The following CTNNA3 variants were observed in gnomAD, a reference collection of about 807,000 sequenced individuals.
The protein encoded by CTNNA3 is catenin alpha 3.
Under a neutral mutation model 95.7 loss-of-function variants are expected in CTNNA3, and 76 were observed. The observed-to-expected ratio is 0.79, with a 90% CI of 0.66 to 0.96. CTNNA3 has a LOEUF of 0.96. Ranked by LOEUF, CTNNA3 falls within the 40% of genes least tolerant of loss-of-function variation. The pLI is 0.00. For missense variants in CTNNA3, 1,191 were observed against 1,089.8 expected, an observed-to-expected ratio of 1.09 and a Z score of -1.31; for synonymous variants, 431 against 374.4, an observed-to-expected ratio of 1.15 and a Z score of -1.74.
chr10:67,625,693 A>G (rs1838926730), intron 2 of CTNNA3, among the ~76,000 whole-genome samples: 1 of 152,200 alleles, frequency 6.6e-6, no homozygotes, highest in Admixed American at 6.5e-5. Flanking sequence ...ATAATATTCA[A>G]AGGAAACTTA....
chr10:67,758,014 T>C (rs979209768), intron 1 of CTNNA3, among the ~76,000 whole-genome samples: 1 of 152,088 alleles, frequency 6.6e-6, no homozygotes, highest in African/African-American at 2.4e-5. Flanking sequence ...CCCTCACCAA[T>C]GCAGGCAGGA....
intron 1 of CTNNA3, among the ~76,000 whole-genome samples, chr10:67,661,381 C>T (rs1840185481): frequency 6.6e-6 from 1 of 151,818 alleles, no homozygotes; most frequent in Admixed American, 6.6e-5. Flanking sequence ...GGAATGTTGG[C>T]CCTTTCTTCA....
intron 11 of CTNNA3, among the ~76,000 whole-genome samples, chr10:66,429,133 C>T (rs1202019956): frequency 6.6e-6 from 1 of 151,994 alleles, no homozygotes; most frequent in South Asian, 2.1e-4. Context: ...CACCTCTACA[C>T]AAATAAACTA....
At chr10:67,111,744 G>T (rs145105208) in intron 7 of CTNNA3, among the ~76,000 whole-genome samples, 6 of 151,844 alleles carry the variant, frequency 4.0e-5, no homozygotes, top group Non-Finnish European at 2.9e-5. Flanking sequence ...CCAGAGTCAT[G>T]GTATCAACAG....
intron 12 of CTNNA3, among the ~76,000 whole-genome samples, chr10:66,342,753 A>G (rs2092466518): frequency 1.3e-5 from 2 of 152,094 alleles, no homozygotes. Context: ...ATGTTGTAAT[A>G]TAAGCCACAT....
At chr10:67,218,933 T>G (rs1317337710) in intron 6 of CTNNA3, among the ~76,000 whole-genome samples, 1 of 152,196 alleles carries the variant, frequency 6.6e-6, no homozygotes, top group Non-Finnish European at 1.5e-5. Flanking sequence ...CCCATTTAAC[T>G]TGGAGTAAAA....
At chr10:65,935,402 C>G (rs549330293) in intron 17 of CTNNA3, among the ~76,000 whole-genome samples, 53 of 152,100 alleles carry the variant, frequency 3.5e-4, no homozygotes, top group African/African-American at 1.2e-3. Context: ...GTTTTGTTCT[C>G]TTTTAAAATA....
chr10:66,148,116 AT>A (rs1231760328), intron 13 of CTNNA3, among the ~76,000 whole-genome samples: 2 of 151,632 alleles, frequency 1.3e-5, no homozygotes, highest in Admixed American at 1.3e-4. Context: ...TTACTTTTCC[AT>A]TTTTCTGATG....
chr10:66,088,317 T>C (rs2081064704), intron 14 of CTNNA3, among the ~76,000 whole-genome samples: 1 of 152,122 alleles, frequency 6.6e-6, no homozygotes, highest in African/African-American at 2.4e-5. Flanking sequence ...ATATTATGTA[T>C]ACTGTTTTGT....
At chr10:67,737,017 G>A (rs1345020209) in intron 1 of CTNNA3, among the ~76,000 whole-genome samples, 11 of 152,038 alleles carry the variant, frequency 7.2e-5, no homozygotes, top group Non-Finnish European at 1.5e-4. Context: ...AGCCTGGAGT[G>A]CAATGGCATG....
intron 10 of CTNNA3, among the ~76,000 whole-genome samples, chr10:66,529,439 G>GTTTTCTTGT (rs1841382844): frequency 2.0e-5 from 1 of 50,596 alleles, no homozygotes; most frequent in African/African-American, 7.2e-5. Context: ...GCCAAACAGT[G>GTTTTCTTGT]TTTTTTTTTT....
Position 66,685,779 on chromosome 10 carries a change from T to C in CTNNA3, c.1282-63995A>G, listed in dbSNP as rs188553776. 7.9e-3 allele frequency among the ~76,000 whole-genome samples: 1,195 copies of C among 152,118 alleles called. 5 individuals carry two copies. Among genetic ancestry groups the C allele is most frequent in the Non-Finnish European group, 0.013 (878 of 67,994 alleles). Reference sequence around the variant, plus strand: ...GCTTCTCTCTTTACCAGAATTAAAGTGTGGGGTCCTGGAAGAAGCAGAGGG... The same window carrying C: ...GCTTCTCTCTTTACCAGAATTAAAGCGTGGGGTCCTGGAAGAAGCAGAGGG... On this transcript the variant is annotated intron_variant, in intron 9 of 17. Transcript: ENST00000433211.
intron 15 of CTNNA3, among the ~76,000 whole-genome samples, chr10:66,023,267 T>G (rs1564585113): frequency 6.6e-6 from 1 of 152,238 alleles, no homozygotes; most frequent in Non-Finnish European, 1.5e-5. Context: ...GGAATTGCAA[T>G]GTTTACTTAT....
chr10:66,969,842 A>C (rs1300069947), intron 7 of CTNNA3, among the ~76,000 whole-genome samples: 1 of 151,950 alleles, frequency 6.6e-6, no homozygotes, highest in Non-Finnish European at 1.5e-5. Context: ...GACCCTAGAG[A>C]CCCTCTATAT....
At chr10:67,538,157 TA>T (rs1176919938) in intron 4 of CTNNA3, among the ~76,000 whole-genome samples, 1,649 of 59,140 alleles carry the variant, frequency 0.028, 47 homozygotes, top group African/African-American at 0.098. Context: ...CTACTTAAAC[TA>T]AAAAAAAAAA....
chr10:65,963,516 T>C (rs2133247725), intron 17 of CTNNA3, among the ~76,000 whole-genome samples: 1 of 152,356 alleles, frequency 6.6e-6, no homozygotes, highest in Non-Finnish European at 1.5e-5. Context: ...AAATAAATTA[T>C]TTCCTCACTT....
intron 5 of CTNNA3, among the ~76,000 whole-genome samples, chr10:67,260,018 C>T (rs941219439): frequency 1.3e-5 from 2 of 152,148 alleles, no homozygotes; most frequent in Non-Finnish European, 2.9e-5. Context: ...TTCAGCAGTC[C>T]TTTACTAGAT....
At chr10:66,887,520 G>GA (rs931057197) in intron 7 of CTNNA3, among the ~76,000 whole-genome samples, 89 of 149,048 alleles carry the variant, frequency 6.0e-4, no homozygotes, top group Admixed American at 1.5e-3. Context: ...TCAGTTGCAG[G>GA]AAAAAAAAAA....
intron 3 of CTNNA3, among the ~76,000 whole-genome samples, chr10:67,581,516 T>A (rs1234347228): frequency 1.3e-5 from 2 of 152,200 alleles, no homozygotes; most frequent in Admixed American, 6.5e-5. Context: ...TGGCCTAAAA[T>A]TCTCTTTGTT....
Sources: allele counts gnomAD v4.1 joint callset (sites outside exome capture counted in the v4.1 genomes callset), GRCh38; gene constraint gnomAD v4.1.1; transcripts MANE v1.5; gene names NCBI Gene and HGNC (gene_info 2026-07-23, HGNC 2026-07-21).